Variants in TSPAN19 observed in about 807,000 individuals in gnomAD.
The protein encoded by TSPAN19 is tetraspanin-19.
In TSPAN19, 44 loss-of-function variants were observed where a neutral mutation model predicts 35.1. The observed-to-expected ratio is 1.25, with a 90% CI of 0.98 to 1.61. The LOEUF is 1.61. Among genes scored for constraint, TSPAN19 ranks in the 40% most tolerant of loss-of-function variants. The pLI is 0.00. For missense variants in TSPAN19, 290 were observed against 280.0 expected, an observed-to-expected ratio of 1.04 and a Z score of -0.26; for synonymous variants, 79 against 92.0, an observed-to-expected ratio of 0.86 and a Z score of 0.81.
intron 1 of TSPAN19, among the ~76,000 whole-genome samples, chr12:85,033,703 A>T (rs1414725696): frequency 2.0e-5 from 3 of 152,158 alleles, no homozygotes; most frequent in Non-Finnish European, 2.9e-5. Context: ...TTACTTGCCA[A>T]AGGTCACTTA....
intron 1 of TSPAN19, among the ~76,000 whole-genome samples, chr12:85,032,096 G>A (rs1197623089): frequency 6.6e-6 from 1 of 152,066 alleles, no homozygotes; most frequent in Non-Finnish European, 1.5e-5. Context: ...CAGGAAAATG[G>A]TTTAGAAGAA....
At chr12:85,016,918 A>C (rs1876840094) in intron 7 of TSPAN19, 1 of 151,960 alleles carries the variant, frequency 6.6e-6, no homozygotes, top group Admixed American at 6.6e-5. Context: ...GAATAAGCTT[A>C]ATATGTAAAC....
At chr12:85,031,913 CA>C (rs1877702246) in intron 1 of TSPAN19, among the ~76,000 whole-genome samples, 1 of 151,784 alleles carries the variant, frequency 6.6e-6, no homozygotes, top group Non-Finnish European at 1.5e-5. Context: ...GAGGGCCAAA[CA>C]AAATGCCCAC....
In TSPAN19 at chr12:85,014,429, TATA is replaced by T. The variant is rs1031599568; in HGVS notation, c.*55_*57del. 1 of 1,254,732 alleles carries T rather than the reference TATA, an allele frequency of 8.0e-7. No individual in the cohort carries two copies. Among genetic ancestry groups the T allele is most frequent in the African/African-American group, 1.5e-5 (1 of 65,736 alleles). 77.7% of individuals were successfully genotyped at this position (1,254,732 alleles called of 1,614,324 possible). A position where few individuals can be genotyped will look rare whatever the true frequency, so the allele number is the denominator to read the frequency against. On this transcript the variant is annotated 3_prime_UTR_variant, in exon 9 of 9. Transcript: ENST00000532498. The stretch of plus-strand genomic sequence containing the variant: ...TCAAAACGTTTTTGGAATAAAATAA[TATA>T]ATGTGATTTTTTAAGAATTAACTGG...
chr12:85,024,121 G>A (rs1877271670), intron 4 of TSPAN19, among the ~76,000 whole-genome samples: 1 of 152,088 alleles, frequency 6.6e-6, no homozygotes, highest in African/African-American at 2.4e-5. Flanking sequence ...AGCAAAATGG[G>A]CGAGATTTAC....
At chr12:85,023,544 A>C (rs1045598667) in intron 4 of TSPAN19, 144 bp from the exon 5 acceptor site, 1 of 574,704 alleles carries the variant, frequency 1.7e-6, no homozygotes. Context: ...CTTCACAAAT[A>C]TGAATGAAAT....
At position 85,015,890 on chromosome 12, in the gene TSPAN19, CT is replaced by C; in HGVS notation, c.675del (p.Glu226ArgfsTer7). The C allele has an allele frequency of 6.5e-7, 1 of 1,543,382 alleles. No individual in the cohort carries two copies. The highest frequency in any genetic ancestry group is 1.2e-5 in the South Asian group (1 of 83,070). On this transcript the variant is annotated frameshift_variant, in exon 8 of 9. Transcript: ENST00000532498. LOFTEE classifies it high-confidence loss of function. Reference sequence around the variant, plus strand: ...TTAACATATGAACAAAAGCTTACCTCTGAAGTTAAAAGTCCAAAGTTAATTC... The same window carrying C: ...TTAACATATGAACAAAAGCTTACCTCGAAGTTAAAAGTCCAAAGTTAATTC... ...LIGINFGLLT[S>X]EVFQVSLTVC...
rs1473844862 is a variant in TSPAN19, at chr12:85,026,012, T to C, written c.264+1887A>G. ...ATGTCTAAAAGGAATGGTAGTATCT[T>C]GGTTCCAGGCCCTAATCTGTCAGAT... On this transcript the variant is annotated intron_variant, in intron 4 of 8. Transcript: ENST00000532498. Among the ~76,000 whole-genome samples the C allele has an allele frequency of 2.0e-5, 3 of 152,210 alleles. No homozygotes were observed. The East Asian group carries it at 5.8e-4, about 29-fold the overall frequency.
chr12:85,017,795 G>C (rs1565764519), intron 6 of TSPAN19, among the ~76,000 whole-genome samples, 196 bp from the exon 7 acceptor site: 1 of 151,814 alleles, frequency 6.6e-6, no homozygotes, highest in Non-Finnish European at 1.5e-5. Context: ...GTCAGCCATA[G>C]ATAAAGATCT....
In TSPAN19 at chr12:85,021,875, T is replaced by C. The variant is rs889788059; in HGVS notation, c.339+1451A>G. 2.6e-5 allele frequency among the ~76,000 whole-genome samples: 4 copies of C among 152,108 alleles called. No individual in the cohort carries two copies. The East Asian group carries it at 7.7e-4, about 29-fold the overall frequency. On this transcript the variant is annotated intron_variant, in intron 5 of 8. Coordinates refer to ENST00000532498, the MANE Select transcript of TSPAN19 (RefSeq NM_001100917.2). ...TCATCTCAAAGCCTCAGTTTTCTCT[T>C]CTATAAAGTAGGACTTACAGTGCTT...
chr12:85,021,627 C>T (rs937109914), intron 5 of TSPAN19, among the ~76,000 whole-genome samples: 7 of 152,064 alleles, frequency 4.6e-5, no homozygotes, highest in East Asian at 3.8e-4. Flanking sequence ...TTCCCTTATG[C>T]TTACTCAAAT....
rs1876684120 is a variant in TSPAN19, at chr12:85,014,569, G to A, written c.679-14C>T. The A allele has an allele frequency of 2.6e-6, 4 of 1,565,750 alleles. No homozygotes were observed. The highest frequency in any genetic ancestry group is 2.6e-6 in the Non-Finnish European group (3 of 1,145,786). On this transcript the variant is annotated splice_polypyrimidine_tract_variant and intron_variant, in intron 8 of 8. Coordinates refer to ENST00000532498, the MANE Select transcript of TSPAN19 (RefSeq NM_001100917.2). ...GACTTGGAAAACCTGGAAGAAAAGG[G>A]AACAATAAGAGATTAAAATTTAATC...
chr12:85,033,840 G>A (rs999415262), intron 1 of TSPAN19, among the ~76,000 whole-genome samples: 1 of 152,078 alleles, frequency 6.6e-6, no homozygotes, highest in Non-Finnish European at 1.5e-5. Flanking sequence ...AAGAGATGTT[G>A]TGAAAATTAG....
chr12:85,015,537 C>CATATATAT (rs555810518), intron 8 of TSPAN19: 17 of 135,712 alleles, frequency 1.3e-4, no homozygotes, highest in African/African-American at 5.2e-4. Context: ...AATATATGAA[C>CATATATAT]ATATACACAC....
chr12:85,030,752 T>C (rs904040343), intron 1 of TSPAN19, among the ~76,000 whole-genome samples: 1 of 152,124 alleles, frequency 6.6e-6, no homozygotes, highest in Admixed American at 6.6e-5. Context: ...TCAATTTTCC[T>C]AAAACTTTCA....
At chr12:85,026,763 T>C (rs1877436210) in intron 4 of TSPAN19, among the ~76,000 whole-genome samples, 1 of 152,024 alleles carries the variant, frequency 6.6e-6, no homozygotes, top group African/African-American at 2.4e-5. Context: ...GGGTAAATAC[T>C]AGATGAATAG....
intron 1 of TSPAN19, among the ~76,000 whole-genome samples, chr12:85,034,774 T>C (rs1233203431): frequency 1.3e-5 from 2 of 152,204 alleles, no homozygotes; most frequent in Admixed American, 6.5e-5. Context: ...TATGACTAAT[T>C]GATAAAGTTG....
rs1447930610 is a variant in TSPAN19 at position 85,029,861 on chromosome 12, A to G, written c.66+20T>C. On this transcript the variant is annotated intron_variant, in intron 2 of 8. Coordinates refer to ENST00000532498, the MANE Select transcript of TSPAN19 (RefSeq NM_001100917.2). ...CAATAGATTACATTTTCTTTACTGT[A>G]TAATTATGAAGATTCTTACCAAGAA... The G allele has an allele frequency of 2.0e-6, 3 of 1,506,168 alleles. No homozygotes were observed. In the South Asian group the frequency reaches 3.8e-5, roughly 19 times the overall value. The allele number at this position is 1,506,168 out of a possible 1,614,324, so 93.3% of individuals were successfully genotyped here. A position where few individuals can be genotyped will look rare whatever the true frequency, so the allele number is the denominator to read the frequency against.
In TSPAN19 at chr12:85,027,979, C is replaced by T. The variant is rs1245718574; in HGVS notation, c.184G>A (p.Gly62Arg). The T allele has an allele frequency of 6.3e-7, 1 of 1,597,976 alleles. No individual in the cohort carries two copies. Among genetic ancestry groups the T allele is most frequent in the Non-Finnish European group, 8.5e-7 (1 of 1,170,960 alleles). The change falls in exon 4 of 9, where the codon GGA (glycine) becomes AGA (arginine). Residue 62 changes from glycine to arginine, a missense_variant. Coordinates refer to ENST00000532498, the MANE Select transcript of TSPAN19 (RefSeq NM_001100917.2). The stretch of plus-strand genomic sequence containing the variant: ...AAAAGAACAGTAGAAGATCCCATTC[C>T]AATCAAAATTTGAGAAATAGGTACT... ...FIVPISQILIGMGSSTVLFCL... is the reference protein window; with the variant it reads ...FIVPISQILIRMGSSTVLFCL...
Sources: gnomAD v4.1 joint callset for allele counts (sites outside exome capture counted in the v4.1 genomes callset) on GRCh38, gnomAD v4.1.1 for gene constraint, MANE v1.5 for transcripts, NCBI Gene and HGNC (gene_info 2026-07-23, HGNC 2026-07-21) for gene names.